Variants in PARD3B observed in about 807,000 individuals in gnomAD.
PARD3B encodes par-3 family cell polarity regulator beta.
A neutral mutation model predicts 130.2 loss-of-function variants in PARD3B; 103 were observed. The ratio of observed to expected loss-of-function variants is 0.79; its 90% CI spans 0.67 to 0.93. PARD3B has a LOEUF of 0.93. Among genes scored for constraint, PARD3B ranks in the 40% least tolerant of loss-of-function variants. The probability of loss-of-function intolerance (pLI) is 0.00; values close to 1 mark genes in which losing one functional copy is unlikely to be tolerated. For missense variants in PARD3B, 1,609 were observed against 1,499.2 expected (o/e 1.07, Z -1.21); for synonymous variants, 583 against 553.2 (o/e 1.05, Z -0.76).
At chr2:205,200,890 C>T (rs1392318542) in intron 15 of PARD3B, among the ~76,000 whole-genome samples, 1 of 152,026 alleles carries the variant, frequency 6.6e-6, no homozygotes, top group Admixed American at 6.6e-5. Flanking sequence ...GTAGGATTTA[C>T]GAGAGTGGGG....
At chr2:205,527,310 C>T (rs574533994) in intron 21 of PARD3B, among the ~76,000 whole-genome samples, 1 of 151,932 alleles carries the variant, frequency 6.6e-6, no homozygotes. Flanking sequence ...GTAGACCAGG[C>T]CTTTGACAAG....
chr2:204,956,350 GT>G (rs1416262116), intron 2 of PARD3B, among the ~76,000 whole-genome samples: 1 of 152,032 alleles, frequency 6.6e-6, no homozygotes. Context: ...GAATATGGAT[GT>G]TACAATATTG....
At chr2:205,299,761 G>T (rs2041928919) in intron 16 of PARD3B, among the ~76,000 whole-genome samples, 1 of 152,004 alleles carries the variant, frequency 6.6e-6, no homozygotes, top group Non-Finnish European at 1.5e-5. Flanking sequence ...ATTCAGTTGT[G>T]CTCTATATTT....
At chr2:205,153,081 C>T (rs2033871821) in intron 10 of PARD3B, among the ~76,000 whole-genome samples, 1 of 152,206 alleles carries the variant, frequency 6.6e-6, no homozygotes, top group Non-Finnish European at 1.5e-5. Context: ...TGGGTATCAC[C>T]AGCAGAGGCT....
chr2:205,221,141 C>G (rs1376551953), intron 15 of PARD3B, among the ~76,000 whole-genome samples: 1 of 152,100 alleles, frequency 6.6e-6, no homozygotes, highest in East Asian at 1.9e-4. Context: ...ATGCAGAGTC[C>G]CACAGATTAG....
At chr2:204,924,850 A>G (rs1420076646) in intron 2 of PARD3B, among the ~76,000 whole-genome samples, 2 of 152,126 alleles carry the variant, frequency 1.3e-5, no homozygotes, top group Non-Finnish European at 2.9e-5. Flanking sequence ...CGAGGCTAAT[A>G]AAAGACAACT....
intron 2 of PARD3B, among the ~76,000 whole-genome samples, chr2:204,954,600 C>G (rs1010326763): frequency 6.6e-6 from 1 of 152,156 alleles, no homozygotes; most frequent in African/African-American, 2.4e-5. Context: ...GCTACCTTAC[C>G]TGGCCTTGGG....
chr2:204,772,925 C>T (rs2041450748), intron 2 of PARD3B, among the ~76,000 whole-genome samples: 1 of 151,780 alleles, frequency 6.6e-6, no homozygotes, highest in African/African-American at 2.4e-5. Flanking sequence ...TGTTCCAAGC[C>T]CCAGCTCCTA....
intron 16 of PARD3B, among the ~76,000 whole-genome samples, chr2:205,284,019 G>A (rs1289248135): frequency 6.6e-6 from 1 of 152,194 alleles, no homozygotes; most frequent in Admixed American, 6.5e-5. Context: ...GAATTAAAAG[G>A]TTATGTCAGA....
At chr2:205,246,360 G>T (rs1186395625) in intron 16 of PARD3B, among the ~76,000 whole-genome samples, 1 of 151,954 alleles carries the variant, frequency 6.6e-6, no homozygotes, top group Non-Finnish European at 1.5e-5. Context: ...AATTTCTAAG[G>T]ATCTCTTAGG....
chr2:205,002,129 T>A (rs1575530530), intron 3 of PARD3B, among the ~76,000 whole-genome samples: 1 of 152,178 alleles, frequency 6.6e-6, no homozygotes, highest in East Asian at 1.9e-4. Context: ...TTAAAGCTTG[T>A]CAATAGTCAT....
chr2:205,575,744 T>C lies in PARD3B; in HGVS notation c.3260+22341T>C, dbSNP rs1401273585. Among the ~76,000 whole-genome samples the C allele has an allele frequency of 1.3e-5, 2 of 152,202 alleles. No individual in the cohort carries two copies. Among genetic ancestry groups the C allele is most frequent in the South Asian group, 2.1e-4 (1 of 4,836 alleles). ...TAAGGCTGAATAATATTCCAGTGTTTGGTTGTGGCACAGTTGATTCATTCA... is the reference window on the plus strand; with the variant it reads ...TAAGGCTGAATAATATTCCAGTGTTCGGTTGTGGCACAGTTGATTCATTCA... On this transcript the variant is annotated intron_variant, in intron 22 of 22. Transcript: ENST00000406610. This position sits in a 1 kb window ranked among gnomAD's most constrained non-coding sequence, Gnocchi z 4.6.
intron 2 of PARD3B, among the ~76,000 whole-genome samples, chr2:204,922,637 A>G (rs2047725662): frequency 6.6e-6 from 1 of 151,988 alleles, no homozygotes. Flanking sequence ...TAGGAAGACC[A>G]TTGGGATTGT....
chr2:204,734,906 A>G (rs1435597580), intron 2 of PARD3B, among the ~76,000 whole-genome samples: 4 of 152,094 alleles, frequency 2.6e-5, no homozygotes, highest in Admixed American at 2.6e-4. Context: ...AGTCCTCAGT[A>G]TAATTGTTTA....
chr2:205,583,245 G>C (rs1359189211), intron 22 of PARD3B, among the ~76,000 whole-genome samples: 1 of 152,208 alleles, frequency 6.6e-6, no homozygotes, highest in African/African-American at 2.4e-5. Context: ...ATGGATGGGA[G>C]AAACAGAGCA....
chr2:205,219,202 C>A (rs2038108259), intron 15 of PARD3B, among the ~76,000 whole-genome samples: 5 of 152,072 alleles, frequency 3.3e-5, no homozygotes, highest in Admixed American at 3.3e-4. Flanking sequence ...TAACTCAATA[C>A]TTTCCAAAAA....
chr2:205,322,889 CTTTTTTTTTTTTTTTTTTTTTT>C lies in PARD3B; in HGVS notation c.2630+21209_2630+21230del, dbSNP rs71032461. Reference sequence around the variant, plus strand: ...TGTTGTTATATCATTATTAACACCTCTTTTTTTTTTTTTTTTTTTTTTTTTTTTTTTTTTTTTTTTTTGATGG... The same window carrying C: ...TGTTGTTATATCATTATTAACACCTCTTTTTTTTTTTTTTTTTTTTGATGG... On this transcript the variant is annotated intron_variant, in intron 18 of 22. Transcript: ENST00000406610. Among the ~76,000 whole-genome samples the C allele has an allele frequency of 1.0e-3, 53 of 51,468 alleles. No homozygotes were observed. The South Asian group carries it at 0.012, about 11-fold the overall frequency. 33.8% of individuals were successfully genotyped at this position (51,468 alleles called of 152,430 possible). A position where few individuals can be genotyped will look rare whatever the true frequency, so the allele number is the denominator to read the frequency against.
At chr2:205,020,376 G>A in intron 3 of PARD3B, among the ~76,000 whole-genome samples, 1 of 152,078 alleles carries the variant, frequency 6.6e-6, no homozygotes, top group East Asian at 1.9e-4. Flanking sequence ...TCATTGAGGG[G>A]AAGGAATAGG....
chr2:205,566,285 G>A (rs576464596), intron 22 of PARD3B, among the ~76,000 whole-genome samples: 112 of 152,336 alleles, frequency 7.4e-4, no homozygotes, highest in Non-Finnish European at 1.5e-3. Context: ...TAGCTGCAAG[G>A]TAGAGAATTG....
Sources: allele counts gnomAD v4.1 joint callset (sites outside exome capture counted in the v4.1 genomes callset), GRCh38; gene constraint gnomAD v4.1.1; non-coding constraint Gnocchi (gnomAD v3.1); transcripts MANE v1.5; gene names NCBI Gene and HGNC (gene_info 2026-07-23, HGNC 2026-07-21).